Variants in SLC35D1 observed in about 807,000 individuals in gnomAD.
SLC35D1 encodes nucleotide sugar transporter SLC35D1.
SLC35D1 carries 31 observed loss-of-function variants against 46.7 expected under a neutral mutation model. That is an observed-to-expected ratio of 0.66 (90% CI 0.50 to 0.90). The LOEUF is 0.90. Among genes scored for constraint, SLC35D1 ranks in the 40% least tolerant of loss-of-function variants. SLC35D1 has a pLI of 0.00. For missense variants in SLC35D1, 397 were observed against 426.2 expected (o/e 0.93, Z 0.60); for synonymous variants, 195 against 164.6 (o/e 1.18, Z -1.41).
At chr1:67,004,530 C>T in intron 11 of SLC35D1, 82 bp from the exon 12 acceptor site, 3 of 1,185,898 alleles carry the variant, frequency 2.5e-6, no homozygotes, top group Non-Finnish European at 3.7e-6. Flanking sequence ...AAAACTTACA[C>T]CAAAAAATTA....
the SLC35D1 span, among the ~76,000 whole-genome samples, chr1:66,989,706 C>A: frequency 1.3e-5 from 2 of 152,330 alleles, no homozygotes; most frequent in East Asian, 3.9e-4. Flanking sequence ...CTCGAGTGAT[C>A]CTCCCGCCTC....
downstream of SLC35D1, among the ~76,000 whole-genome samples, chr1:66,995,469 A>C (rs963370632): frequency 2.5e-5 from 3 of 118,662 alleles, no homozygotes; most frequent in East Asian, 2.2e-4. Context: ...AAAAAAAAAA[A>C]AAAAAAAAAA....
At chr1:66,984,011 A>G in the SLC35D1 span, among the ~76,000 whole-genome samples, 4 of 152,264 alleles carry the variant, frequency 2.6e-5, no homozygotes, top group Non-Finnish European at 2.9e-5. Context: ...GGCGTGAGCC[A>G]CTGCACCCAG....
At chr1:67,021,930 G>C (rs991357498) in intron 8 of SLC35D1, among the ~76,000 whole-genome samples, 1 of 152,104 alleles carries the variant, frequency 6.6e-6, no homozygotes, top group Non-Finnish European at 1.5e-5. Context: ...TTCCTTGAAG[G>C]CACAAGCCAC....
intron 10 of SLC35D1, among the ~76,000 whole-genome samples, chr1:67,019,310 G>A (rs1385570574): frequency 6.6e-6 from 1 of 152,146 alleles, no homozygotes; most frequent in East Asian, 1.9e-4. Context: ...CATACCTAGA[G>A]CTAATTTGGG....
chr1:66,982,227 TTA>T, the SLC35D1 span, among the ~76,000 whole-genome samples: 1 of 152,228 alleles, frequency 6.6e-6, no homozygotes, highest in Non-Finnish European at 1.5e-5. Context: ...ATACAAGTAT[TTA>T]TGTTAACTCT....
chr1:66,989,937 C>G, the SLC35D1 span, among the ~76,000 whole-genome samples: 1 of 152,196 alleles, frequency 6.6e-6, no homozygotes, highest in East Asian at 1.9e-4. Flanking sequence ...TTTTCAAATT[C>G]CTTAGTCTAC....
intron 10 of SLC35D1, among the ~76,000 whole-genome samples, chr1:67,014,618 T>A (rs551983182): frequency 2.7e-5 from 4 of 149,342 alleles, no homozygotes; most frequent in African/African-American, 9.8e-5. Context: ...CTTAATAAAT[T>A]AAAAGTTTAA....
chr1:66,986,670 T>A, the SLC35D1 span: 3 of 512,134 alleles, frequency 5.9e-6, no homozygotes, highest in Non-Finnish European at 6.9e-6. Context: ...CTTGACTTCA[T>A]CTTAATGTAC....
intron 8 of SLC35D1, among the ~76,000 whole-genome samples, chr1:67,034,188 C>T (rs1178327207): frequency 2.0e-5 from 3 of 152,162 alleles, no homozygotes; most frequent in Non-Finnish European, 4.4e-5. Flanking sequence ...TTTTGTGGTT[C>T]CACATAAATT....
intron 10 of SLC35D1, among the ~76,000 whole-genome samples, chr1:67,016,265 ACTATT>A (rs1246231624): frequency 6.6e-6 from 1 of 152,140 alleles, no homozygotes; most frequent in Admixed American, 6.5e-5. Flanking sequence ...TCAATTGTTA[ACTATT>A]CTAAGACTTT....
intron 8 of SLC35D1, among the ~76,000 whole-genome samples, chr1:67,034,840 A>G (rs531466186): frequency 6.6e-6 from 1 of 152,144 alleles, no homozygotes; most frequent in Non-Finnish European, 1.5e-5. Context: ...TTTTCCTTCT[A>G]TACTCAGTTT....
intron 8 of SLC35D1, 25 bp downstream of exon 8, chr1:67,042,211 T>G: frequency 6.3e-7 from 1 of 1,586,596 alleles, no homozygotes; most frequent in Non-Finnish European, 8.7e-7. Context: ...ACGTAAGCCA[T>G]TAAACCGTAA....
At chr1:67,012,257 G>A (rs1053538446) in intron 10 of SLC35D1, among the ~76,000 whole-genome samples, 3 of 152,102 alleles carry the variant, frequency 2.0e-5, no homozygotes, top group African/African-American at 7.2e-5. Context: ...AGATTAACAG[G>A]TCTGTGACTG....
intron 8 of SLC35D1, 112 bp downstream of exon 8, chr1:67,042,124 T>C (rs1645193520): frequency 9.8e-7 from 1 of 1,016,742 alleles, no homozygotes; most frequent in African/African-American, 1.6e-5. Flanking sequence ...ATGCTCAGTT[T>C]TTGGTCACTT....
chr1:67,043,382 G>GA (rs143076064), intron 7 of SLC35D1, among the ~76,000 whole-genome samples: 13,166 of 150,246 alleles, frequency 0.088, 851 homozygotes, highest in African/African-American at 0.18. Context: ...AAATTAAAAA[G>GA]AAAAAAAAAT....
chr1:66,998,282 A>C (rs970071925), downstream of SLC35D1, among the ~76,000 whole-genome samples: 1 of 152,158 alleles, frequency 6.6e-6, no homozygotes, highest in Admixed American at 6.5e-5. Context: ...TGAGGTCAGG[A>C]GTTCGAGACC....
At chr1:66,984,923 T>G in the SLC35D1 span, 1 of 1,549,090 alleles carries the variant, frequency 6.5e-7, no homozygotes, top group Non-Finnish European at 8.7e-7. Flanking sequence ...TTTTACTTTC[T>G]TTGGAGTAAA....
At chr1:66,981,943 C>T in the SLC35D1 span, 3 of 1,611,238 alleles carry the variant, frequency 1.9e-6, no homozygotes, top group East Asian at 2.2e-5. Flanking sequence ...AAACATTTCT[C>T]TTTCTTCATA....
Sources: allele counts gnomAD v4.1 joint callset (sites outside exome capture counted in the v4.1 genomes callset), GRCh38; gene constraint gnomAD v4.1.1; transcripts MANE v1.5; gene names NCBI Gene and HGNC (gene_info 2026-07-23, HGNC 2026-07-21).